IKBKE: variants seen among roughly 807,000 people sequenced by gnomAD.
The protein encoded by IKBKE is inhibitor of nuclear factor kappa B kinase subunit epsilon.
A neutral mutation model predicts 92.1 loss-of-function variants in IKBKE; 45 were observed. The ratio of observed to expected loss-of-function variants is 0.49; its 90% CI spans 0.38 to 0.63. The LOEUF (loss-of-function observed/expected upper bound fraction) is 0.63, where lower values mean the gene tolerates loss of function less well. IKBKE is among the 20% of genes least tolerant of loss of function. The probability of loss-of-function intolerance (pLI) is 0.00; values close to 1 mark genes in which losing one functional copy is unlikely to be tolerated. For synonymous variants in IKBKE, 374 were observed against 380.3 expected, an observed-to-expected ratio of 0.98 and a Z score of 0.19; for missense variants, 700 against 932.8, an observed-to-expected ratio of 0.75 and a Z score of 3.25.
chr1:206,496,458 GAGA>G lies in IKBKE; in HGVS notation c.*319_*321del, dbSNP rs1666244339. 4.9e-6 allele frequency: 2 copies of G among 408,860 alleles called. No individual in the cohort carries two copies. The highest frequency in any genetic ancestry group is 4.0e-5 in the East Asian group (1 of 24,996). 25.3% of individuals were successfully genotyped at this position (408,860 alleles called of 1,614,324 possible). Reference sequence around the variant, plus strand: ...TCCATGCCCATGGCTGGGCCGTGGGGAGAAGAAGCTCTCATACGCCTTCCCACT... The same window carrying G: ...TCCATGCCCATGGCTGGGCCGTGGGGAGAAGCTCTCATACGCCTTCCCACT... On this transcript the variant is annotated 3_prime_UTR_variant, in exon 22 of 22. Transcript: ENST00000581977.
chr1:206,491,572 C>A, intron 17 of IKBKE, 76 bp from the exon 18 acceptor site: 1 of 1,027,528 alleles, frequency 9.7e-7, no homozygotes, highest in Non-Finnish European at 1.5e-6. Context: ...CGGAGACTGA[C>A]GGAGACTGAG....
intron 18 of IKBKE, chr1:206,492,632 ATAG>A (rs1553390786): frequency 2.1e-6 from 1 of 479,578 alleles, no homozygotes; most frequent in Non-Finnish European, 4.3e-6. Flanking sequence ...CCACTTAGAG[ATAG>A]AAGAGAATTC....
chr1:206,478,450 C>T lies in IKBKE; in HGVS notation c.992+111C>T, dbSNP rs552074941. 169 of 1,105,048 alleles carry T rather than the reference C, an allele frequency of 1.5e-4. 1 individual carries two copies. The highest frequency in any genetic ancestry group is 1.2e-3 in the South Asian group (83 of 72,106). 68.5% of individuals were successfully genotyped at this position (1,105,048 alleles called of 1,614,324 possible). A position where few individuals can be genotyped will look rare whatever the true frequency, so the allele number is the denominator to read the frequency against. On this transcript the variant is annotated intron_variant, in intron 9 of 21. Coordinates refer to ENST00000581977, the MANE Select transcript of IKBKE (RefSeq NM_014002.4). The surrounding 1 kb of genome is among the most constrained non-coding windows in gnomAD (Gnocchi z 4.8). ...GTTCTGAGGAGTGTGTACATAGGAACGCTTCCAGGTCCAAACGTAGTTGGG... is the reference window on the plus strand; with the variant it reads ...GTTCTGAGGAGTGTGTACATAGGAATGCTTCCAGGTCCAAACGTAGTTGGG...
At position 206,476,895 on chromosome 1, in the gene IKBKE, C is replaced by A; in HGVS notation, c.701+57C>A. ...GGACTGGCAGTCCCCTGGCCCTTCC[C>A]CCACCGGTCCTTGCTGTGTCTTCTG... On this transcript the variant is annotated intron_variant, in intron 7 of 21. Coordinates refer to ENST00000581977, the MANE Select transcript of IKBKE (RefSeq NM_014002.4). This position sits in a 1 kb window ranked among gnomAD's most constrained non-coding sequence, Gnocchi z 5.1. The A allele has an allele frequency of 6.3e-7, 1 of 1,588,534 alleles. No individual in the cohort carries two copies. Among genetic ancestry groups the A allele is most frequent in the Non-Finnish European group, 8.6e-7 (1 of 1,159,506 alleles).
chr1:206,495,558 C>T (rs1346516247), intron 21 of IKBKE, among the ~76,000 whole-genome samples: 2 of 152,138 alleles, frequency 1.3e-5, no homozygotes, highest in African/African-American at 4.8e-5. Context: ...TCCTCCCTGT[C>T]CTGTTCCAGC....
At chr1:206,474,803 C>A in intron 4 of IKBKE, 62 bp from the exon 5 acceptor site, 1 of 1,586,222 alleles carries the variant, frequency 6.3e-7, no homozygotes. Context: ...TGAGCCACTT[C>A]TTCCTGGTGG....
chr1:206,475,924 G>C (rs1665040344), intron 5 of IKBKE, among the ~76,000 whole-genome samples: 1 of 152,058 alleles, frequency 6.6e-6, no homozygotes, highest in South Asian at 2.1e-4. Flanking sequence ...AAAGAGGGGT[G>C]CTGCCCTTGA....
In IKBKE at chr1:206,478,382, C is replaced by T. The variant is rs17433909; in HGVS notation, c.992+43C>T. On this transcript the variant is annotated intron_variant, in intron 9 of 21. Transcript: ENST00000581977. The surrounding 1 kb of genome is among the most constrained non-coding windows in gnomAD (Gnocchi z 4.8). The stretch of plus-strand genomic sequence containing the variant: ...AGGGAAGCGGTGAGAACCTTCTCTA[C>T]CCAAGCAGCAGTGCATGTCCAAAGC... 0.035 allele frequency: 55,895 copies of T among 1,586,420 alleles called. 1,255 individuals are homozygous for T. Among genetic ancestry groups the T allele is most frequent in the Non-Finnish European group, 0.04 (46,902 of 1,163,894 alleles).
Position 206,478,096 on chromosome 1 carries a change from G to A in IKBKE, c.813-64G>A, listed in dbSNP as rs868930382. 12 of 1,141,152 alleles carry A rather than the reference G, an allele frequency of 1.1e-5. No individual in the cohort carries two copies. In the Middle Eastern group the frequency reaches 2.5e-3, roughly 240 times the overall value. 70.7% of individuals were successfully genotyped at this position (1,141,152 alleles called of 1,614,324 possible). ...GATATTCTCTTAGAACGCTCCTATT[G>A]CCTGCTTAAGGAGGATAGGTCTGGG... On this transcript the variant is annotated intron_variant, in intron 8 of 21. Transcript: ENST00000581977. The surrounding 1 kb of genome is among the most constrained non-coding windows in gnomAD (Gnocchi z 4.8).
intron 17 of IKBKE, chr1:206,491,106 C>CT (rs1293495359): frequency 1.5e-3 from 783 of 539,092 alleles, no homozygotes; most frequent in South Asian, 1.7e-3. Flanking sequence ...TGTTTGCAGG[C>CT]TTTTTTTTTC....
At chr1:206,471,750 C>G (rs1664786079) in intron 2 of IKBKE, among the ~76,000 whole-genome samples, 1 of 152,104 alleles carries the variant, frequency 6.6e-6, no homozygotes, top group Non-Finnish European at 1.5e-5. Context: ...TGATCTGAAA[C>G]TAGGAGTTGA....
chr1:206,471,985 C>T (rs1664800446), intron 2 of IKBKE, among the ~76,000 whole-genome samples: 1 of 152,210 alleles, frequency 6.6e-6, no homozygotes, highest in Non-Finnish European at 1.5e-5. Context: ...GTGGCTCACA[C>T]CTGTAATCCC....
In IKBKE at chr1:206,476,154, G is replaced by T; in HGVS notation, c.359-27G>T. 1 of 1,612,408 alleles carries T rather than the reference G, an allele frequency of 6.2e-7. No individual in the cohort carries two copies. Among genetic ancestry groups the T allele is most frequent in the Non-Finnish European group, 8.5e-7 (1 of 1,179,186 alleles). ...ACTAGACTGTCCCCGACCAGAGCCA[G>T]CTAGTGGCCTCCCCGTCTGTCCCCA... On this transcript the variant is annotated intron_variant, in intron 5 of 21. Coordinates refer to ENST00000581977, the MANE Select transcript of IKBKE (RefSeq NM_014002.4). This position sits in a 1 kb window ranked among gnomAD's most constrained non-coding sequence, Gnocchi z 5.1.
At position 206,485,294 on chromosome 1, in the gene IKBKE, A is replaced by G. The variant is rs1553388326; in HGVS notation, c.1604A>G (p.His535Arg). The G allele has an allele frequency of 6.2e-7, 1 of 1,605,836 alleles. No homozygotes were observed. Among genetic ancestry groups the G allele is most frequent in the South Asian group, 1.1e-5 (1 of 90,936 alleles). ...CTGGTGAAGAGCCGGGATCAGGTAC[A>G]TGAGGACAGAAGGTCTGTGGGATTT... ...RELVKSRDQV[H>R]EDRSIQQIQC... is the part of the protein sequence containing the mutation. Residue 535 changes from histidine (H) to arginine (R), a missense_variant, in exon 15 of 22, where the codon CAT becomes CGT. Transcript: ENST00000581977. The surrounding 1 kb of genome is among the most constrained non-coding windows in gnomAD (Gnocchi z 5.0).
rs531059997 is a variant in IKBKE at position 206,476,421 on chromosome 1, C to A, written c.540+59C>A. Reference sequence around the variant, plus strand: ...CTGAGGGCTCCCCTTGCCTTGTGAGCCCCCCAGAGCCCCCATGAGGGGGTG... The same window carrying A: ...CTGAGGGCTCCCCTTGCCTTGTGAGACCCCCAGAGCCCCCATGAGGGGGTG... On this transcript the variant is annotated intron_variant, in intron 6 of 21. Transcript: ENST00000581977. This position sits in a 1 kb window ranked among gnomAD's most constrained non-coding sequence, Gnocchi z 5.1. 4 of 1,516,654 alleles carry A rather than the reference C, an allele frequency of 2.6e-6. No individual in the cohort carries two copies. The highest frequency in any genetic ancestry group is 3.6e-6 in the Non-Finnish European group (4 of 1,111,812). The allele number at this position is 1,516,654 out of a possible 1,614,324, so 93.9% of individuals were successfully genotyped here. A position where few individuals can be genotyped will look rare whatever the true frequency, so the allele number is the denominator to read the frequency against.
In IKBKE at chr1:206,479,092, T is replaced by A. The variant is rs781875532; in HGVS notation, c.1142T>A (p.Leu381His). 1.2e-6 allele frequency: 2 copies of A among 1,612,474 alleles called. No individual in the cohort carries two copies. Among genetic ancestry groups the A allele is most frequent in the African/African-American group, 2.7e-5 (2 of 74,878 alleles). The part of the protein sequence containing the change: ...AHTTASSPLT[L>H]FSTAIPKGLA... The stretch of plus-strand genomic sequence containing the variant: ...ACGACGGCAAGCAGCCCCCTGACCC[T>A]CTTCAGCACAGCCATCCCTAAGGGG... The change falls in exon 10 of 22, where the codon CTC (leucine) becomes CAC (histidine). Residue 381 changes from leucine to histidine, a missense_variant. Physicochemically the swap from Leu to His is moderately conservative, Grantham distance 99. Coordinates refer to ENST00000581977, the MANE Select transcript of IKBKE (RefSeq NM_014002.4).
At chr1:206,492,640 G>A (rs1304675806) in intron 18 of IKBKE, 1 of 483,010 alleles carries the variant, frequency 2.1e-6, no homozygotes, top group African/African-American at 2.0e-5. Context: ...AGATAGAAGA[G>A]AATTCACACT....
In IKBKE at chr1:206,490,689, TG is replaced by T. The variant is rs1665902625; in HGVS notation, c.1694-127del. The T allele has an allele frequency of 2.2e-6, 2 of 894,794 alleles. No homozygotes were observed. Among genetic ancestry groups the T allele is most frequent in the African/African-American group, 1.6e-5 (1 of 61,452 alleles). The allele number at this position is 894,794 out of a possible 1,614,324, so 55.4% of individuals were successfully genotyped here. A position where few individuals can be genotyped will look rare whatever the true frequency, so the allele number is the denominator to read the frequency against. On this transcript the variant is annotated intron_variant, in intron 16 of 21. Transcript: ENST00000581977. The surrounding 1 kb of genome is among the most constrained non-coding windows in gnomAD (Gnocchi z 5.2). Reference sequence around the variant, plus strand: ...CACTCCTCTGCCCCTCCTGCTCCGCTGGGCGGTGAGTTCCCGTGAAGCAGCA... The same window carrying T: ...CACTCCTCTGCCCCTCCTGCTCCGCTGGCGGTGAGTTCCCGTGAAGCAGCA...
chr1:206,487,719 G>A lies in IKBKE; in HGVS notation c.1617-195G>A, dbSNP rs1553389137. Among the ~76,000 whole-genome samples the A allele has an allele frequency of 6.6e-6, 1 of 152,158 alleles. No homozygotes were observed. The highest frequency in any genetic ancestry group is 1.5e-5 in the Non-Finnish European group (1 of 68,030). ...GAGAGGAAGAATAAGCCATGAGAACGAGAGACGGCTGGCTGACTGTACGGG... is the reference window on the plus strand; with the variant it reads ...GAGAGGAAGAATAAGCCATGAGAACAAGAGACGGCTGGCTGACTGTACGGG... On this transcript the variant is annotated intron_variant, in intron 15 of 21. Coordinates refer to ENST00000581977, the MANE Select transcript of IKBKE (RefSeq NM_014002.4). The surrounding 1 kb of genome is among the most constrained non-coding windows in gnomAD (Gnocchi z 5.3).
Sources: allele counts gnomAD v4.1 joint callset (sites outside exome capture counted in the v4.1 genomes callset), GRCh38; gene constraint gnomAD v4.1.1; non-coding constraint Gnocchi (gnomAD v3.1); transcripts MANE v1.5; gene names NCBI Gene and HGNC (gene_info 2026-07-23, HGNC 2026-07-21).